FAM193A: variants seen among roughly 807,000 people sequenced by gnomAD.
The protein encoded by FAM193A is protein FAM193A.
FAM193A carries 22 observed loss-of-function variants against 126.5 expected under a neutral mutation model. The observed-to-expected ratio is 0.17, with a 90% confidence interval of 0.12 to 0.25. The LOEUF (loss-of-function observed/expected upper bound fraction) is 0.25. Among genes scored for constraint, FAM193A ranks in the 10% least tolerant of loss-of-function variants. The pLI, the probability that FAM193A is intolerant of heterozygous loss-of-function variation, is 1.00. For synonymous variants in FAM193A, 761 were observed against 646.8 expected, an observed-to-expected ratio of 1.18 and a Z score of -2.68; for missense variants, 1,675 against 1,672.8, an observed-to-expected ratio of 1.00 and a Z score of -0.02.
chr4:2,570,838 A>G (rs1269977627), intron 1 of FAM193A, among the ~76,000 whole-genome samples: 2 of 152,124 alleles, frequency 1.3e-5, no homozygotes, highest in Non-Finnish European at 2.9e-5. Flanking sequence ...TGCAAGTCTC[A>G]CTCACAGATG....
At chr4:2,577,082 A>G (rs542599596) in intron 1 of FAM193A, among the ~76,000 whole-genome samples, 1 of 152,336 alleles carries the variant, frequency 6.6e-6, no homozygotes, top group South Asian at 2.1e-4. Flanking sequence ...TATGAGGACT[A>G]AAACACCTGA....
Position 2,663,091 on chromosome 4 carries a change from A to C in FAM193A, c.1900-18A>C. 8 of 1,605,564 alleles carry C rather than the reference A, an allele frequency of 5.0e-6. No homozygotes were observed. The highest frequency in any genetic ancestry group is 6.8e-6 in the Non-Finnish European group (8 of 1,174,768). ...CTCTGTTTTGAAAAGTGCAAATTAC[A>C]AAAGATTGTCTTTAAAGTCTCCTCA... On this transcript the variant is annotated intron_variant, in intron 11 of 20. Coordinates refer to ENST00000637812, the MANE Select transcript of FAM193A (RefSeq NM_001366318.2).
intron 5 of FAM193A, among the ~76,000 whole-genome samples, chr4:2,631,753 A>T (rs1219096147): frequency 6.6e-6 from 1 of 152,136 alleles, no homozygotes; most frequent in African/African-American, 2.4e-5. Context: ...AGACACACAG[A>T]TGGGTCCGGT....
At chr4:2,653,344 C>G (rs1226757111) in intron 7 of FAM193A, among the ~76,000 whole-genome samples, 1 of 152,146 alleles carries the variant, frequency 6.6e-6, no homozygotes, top group African/African-American at 2.4e-5. Flanking sequence ...ATAACAGTGT[C>G]ACTTAAAAAG....
chr4:2,608,322 G>T (rs1741663811), intron 2 of FAM193A, among the ~76,000 whole-genome samples: 1 of 152,228 alleles, frequency 6.6e-6, no homozygotes, highest in Admixed American at 6.5e-5. Flanking sequence ...GGGACTACAG[G>T]TGCGCACCAC....
At chr4:2,623,845 A>G (rs1378993125) in intron 2 of FAM193A, among the ~76,000 whole-genome samples, 3 of 152,074 alleles carry the variant, frequency 2.0e-5, no homozygotes, top group Non-Finnish European at 4.4e-5. Context: ...TCCTTTCTGG[A>G]AGTCTCTCTT....
intron 2 of FAM193A, among the ~76,000 whole-genome samples, chr4:2,601,562 T>C (rs1577060955): frequency 6.6e-6 from 1 of 150,966 alleles, no homozygotes; most frequent in Non-Finnish European, 1.5e-5. Flanking sequence ...ATTTGTGCCT[T>C]CTTTTTTTTC....
At chr4:2,554,304 T>G (rs554889427) in intron 1 of FAM193A, among the ~76,000 whole-genome samples, 34 of 151,964 alleles carry the variant, frequency 2.2e-4, no homozygotes, top group African/African-American at 8.0e-4. Flanking sequence ...AGGCTGGTCT[T>G]GAACTCCTGA....
chr4:2,577,467 G>C (rs1336204571), intron 1 of FAM193A, among the ~76,000 whole-genome samples: 1 of 136,186 alleles, frequency 7.3e-6, no homozygotes, highest in Non-Finnish European at 1.5e-5. Context: ...CACTCAAGCT[G>C]GAGTGCACTG....
intron 1 of FAM193A, among the ~76,000 whole-genome samples, chr4:2,546,723 C>T (rs1737577182): frequency 6.6e-6 from 1 of 152,074 alleles, no homozygotes; most frequent in Non-Finnish European, 1.5e-5. Flanking sequence ...ATAGAGTTGC[C>T]ATAAACATGT....
chr4:2,722,413 T>C (rs1720263291), intron 20 of FAM193A, among the ~76,000 whole-genome samples: 1 of 152,222 alleles, frequency 6.6e-6, no homozygotes, highest in South Asian at 2.1e-4. Flanking sequence ...GGATTGGATT[T>C]CTTCCTTGAA....
chr4:2,571,473 C>A (rs1453771154), intron 1 of FAM193A, among the ~76,000 whole-genome samples: 2 of 151,702 alleles, frequency 1.3e-5, no homozygotes, highest in African/African-American at 4.8e-5. Flanking sequence ...GGTAGAAGTC[C>A]TATTTTATTT....
rs149864699 is a variant in FAM193A, at chr4:2,631,136, C to G, written c.1005C>G (p.Ala335=). 6.2e-6 allele frequency: 10 copies of G among 1,612,732 alleles called. No individual in the cohort carries two copies. Among genetic ancestry groups the G allele is most frequent in the African/African-American group, 1.3e-5 (1 of 74,886 alleles). The change falls in exon 5 of 21, where the codon GCC becomes GCG. Residue 335 remains alanine, a synonymous_variant. Coordinates refer to ENST00000637812, the MANE Select transcript of FAM193A (RefSeq NM_001366318.2). ...AGGAGTACGGCGCCCTCTGCCAGGC[C>G]GCACGCTCCATCAGCACCTTCCTTG... The part of the protein sequence containing the change: ...LLEEYGALCQ[A]ARSISTFLGT...
intron 1 of FAM193A, among the ~76,000 whole-genome samples, chr4:2,541,895 A>G (rs1356237931): frequency 6.6e-6 from 1 of 151,942 alleles, no homozygotes; most frequent in Non-Finnish European, 1.5e-5. Context: ...CAGTGGCGCC[A>G]TCTCGGCTCA....
chr4:2,710,178 T>A (rs13151906), intron 19 of FAM193A, among the ~76,000 whole-genome samples: 1 of 92,196 alleles, frequency 1.1e-5, no homozygotes, highest in South Asian at 4.0e-4. Flanking sequence ...TTTTTTTTTC[T>A]TTTTTTTTTT....
intron 1 of FAM193A, among the ~76,000 whole-genome samples, chr4:2,590,246 C>A (rs1039946267): frequency 6.6e-6 from 1 of 150,836 alleles, no homozygotes; most frequent in Non-Finnish European, 1.5e-5. Context: ...CCGAGGCGGG[C>A]AGATCACGAG....
chr4:2,689,064 G>A (rs1034428617), intron 13 of FAM193A, among the ~76,000 whole-genome samples: 1 of 152,256 alleles, frequency 6.6e-6, no homozygotes, highest in Non-Finnish European at 1.5e-5. Context: ...GATTTGTGCT[G>A]TACCTTGCCT....
intron 15 of FAM193A, among the ~76,000 whole-genome samples, chr4:2,691,600 C>G (rs1160396997): frequency 1.3e-5 from 2 of 151,994 alleles, no homozygotes; most frequent in Admixed American, 1.3e-4. Flanking sequence ...CCAATGGCAA[C>G]TCAGTAGCTG....
chr4:2,665,201 GTAT>G lies in FAM193A; in HGVS notation c.2079+1917_2079+1919del, dbSNP rs1304233124. 7.2e-5 allele frequency among the ~76,000 whole-genome samples: 11 copies of G among 152,154 alleles called. No homozygotes were observed. The East Asian group carries it at 2.1e-3, about 29-fold the overall frequency. ...CAGTCTTTGTGTCTGGAATATATAA[GTAT>G]TATGTGTTTTCATTCACAGTAAAAG... On this transcript the variant is annotated intron_variant, in intron 12 of 20. Coordinates refer to ENST00000637812, the MANE Select transcript of FAM193A (RefSeq NM_001366318.2).
Sources: gnomAD v4.1 joint callset for allele counts (sites outside exome capture counted in the v4.1 genomes callset) on GRCh38, gnomAD v4.1.1 for gene constraint, MANE v1.5 for transcripts, NCBI Gene and HGNC (gene_info 2026-07-23, HGNC 2026-07-21) for gene names.